Variants in CCR5AS observed in about 807,000 individuals in gnomAD.
The protein encoded by CCR5AS is CCR5 antisense RNA.
chr3:46,401,438 A>G (rs1702005455), intron 1 of CCR5AS, among the ~76,000 whole-genome samples: 1 of 152,210 alleles, frequency 6.6e-6, no homozygotes, highest in African/African-American at 2.4e-5. Flanking sequence ...CAGGACTGCA[A>G]AGGGAGCCAG....
intron 2 of CCR5AS, among the ~76,000 whole-genome samples, chr3:46,376,915 A>G (rs1701766919): frequency 6.6e-6 from 1 of 152,226 alleles, no homozygotes; most frequent in African/African-American, 2.4e-5. Flanking sequence ...TGAAATGAGC[A>G]GAAGACAGAA....
At chr3:46,384,849 CATAGATG>C (rs1364051379) in intron 2 of CCR5AS, among the ~76,000 whole-genome samples, 3 of 148,882 alleles carry the variant, frequency 2.0e-5, no homozygotes, top group African/African-American at 5.0e-5. Flanking sequence ...GGATAGGGTA[CATAGATG>C]ATAGATAGAT....
At chr3:46,389,881 A>G (rs1357657150) in intron 2 of CCR5AS, among the ~76,000 whole-genome samples, 10 of 152,108 alleles carry the variant, frequency 6.6e-5, no homozygotes, top group Admixed American at 6.5e-4. Context: ...CAGGAAGGGT[A>G]TGTGTATGTT....
In CCR5AS at chr3:46,392,005, A is replaced by T. The variant is rs188831525; in HGVS notation, n.391+820T>A. ...TGTAAAGAATGCCTGGACGTCAGGCACCTCAGACCATTTGCCCATTTTACG... is the reference window on the plus strand; with the variant it reads ...TGTAAAGAATGCCTGGACGTCAGGCTCCTCAGACCATTTGCCCATTTTACG... On this transcript the variant is annotated intron_variant and non_coding_transcript_variant, in intron 2 of 3. Transcript: ENST00000451485. Among the ~76,000 whole-genome samples, 27 of 152,326 alleles carry T rather than the reference A, an allele frequency of 1.8e-4. No homozygotes were observed. In the East Asian group the frequency reaches 5.2e-3, roughly 29 times the overall value.
intron 1 of CCR5AS, among the ~76,000 whole-genome samples, chr3:46,405,718 A>G (rs1434150781): frequency 1.3e-5 from 2 of 152,206 alleles, no homozygotes; most frequent in Non-Finnish European, 2.9e-5. Context: ...CTCCTCTGCC[A>G]TCAAACATCA....
At chr3:46,392,926 C>A in exon 2 of CCR5AS, 1 of 175,622 alleles carries the variant, frequency 5.7e-6, no homozygotes, top group Non-Finnish European at 1.2e-5. Context: ...GACCAATCTC[C>A]CGAAGGAGTC....
chr3:46,390,402 C>T (rs141380660), intron 2 of CCR5AS, among the ~76,000 whole-genome samples: 214 of 152,076 alleles, frequency 1.4e-3, no homozygotes, highest in African/African-American at 4.7e-3. Context: ...GGTTTCTGGA[C>T]GGGTAGGATA....
At chr3:46,404,758 T>C (rs186133975) in intron 1 of CCR5AS, among the ~76,000 whole-genome samples, 2 of 152,314 alleles carry the variant, frequency 1.3e-5, no homozygotes, top group Admixed American at 1.3e-4. Flanking sequence ...TAATCTACAA[T>C]TTACTTGAGC....
intron 2 of CCR5AS, among the ~76,000 whole-genome samples, chr3:46,385,738 A>T (rs1185085499): frequency 4.0e-5 from 6 of 151,094 alleles, no homozygotes; most frequent in East Asian, 1.9e-4. Flanking sequence ...TTATTTATTT[A>T]TTATTTATTT....
chr3:46,393,460 C>CAA (rs35762544), intron 1 of CCR5AS, among the ~76,000 whole-genome samples: 150 of 103,922 alleles, frequency 1.4e-3, no homozygotes, highest in South Asian at 0.012. Flanking sequence ...AACAGAGCCA[C>CAA]AAAAAAAAAA....
At chr3:46,379,290 C>T (rs71327059) in intron 2 of CCR5AS, among the ~76,000 whole-genome samples, 10,525 of 149,936 alleles carry the variant, frequency 0.07, 512 homozygotes, top group South Asian at 0.2. Context: ...TTTGTTCTTG[C>T]GATAGTTTAC....
chr3:46,395,199 C>G (rs1394299014), intron 1 of CCR5AS, among the ~76,000 whole-genome samples: 1 of 152,030 alleles, frequency 6.6e-6, no homozygotes, highest in Non-Finnish European at 1.5e-5. Flanking sequence ...AAATGGGGAG[C>G]ACTGGTTTTA....
chr3:46,393,511 AT>A (rs1008342059), intron 1 of CCR5AS, among the ~76,000 whole-genome samples: 7 of 152,028 alleles, frequency 4.6e-5, no homozygotes, highest in Non-Finnish European at 7.4e-5. Context: ...AGAAAAAAAA[AT>A]TTTTTTTCCA....
intron 2 of CCR5AS, among the ~76,000 whole-genome samples, chr3:46,390,494 G>A (rs1007352510): frequency 1.3e-5 from 2 of 152,138 alleles, no homozygotes; most frequent in African/African-American, 4.8e-5. Context: ...CCCTTTTAAA[G>A]CCTGCTGTGG....
chr3:46,367,001 G>A (rs1249203248), intron 3 of CCR5AS, among the ~76,000 whole-genome samples: 1 of 152,254 alleles, frequency 6.6e-6, no homozygotes, highest in South Asian at 2.1e-4. Context: ...ACAACGGGAA[G>A]AGCCCGACTG....
chr3:46,375,204 T>G (rs1406433773), intron 2 of CCR5AS: 1 of 167,010 alleles, frequency 6.0e-6, no homozygotes, highest in Admixed American at 6.6e-5. Flanking sequence ...TAGATTTCCT[T>G]CCCATCCCAG....
intron 2 of CCR5AS, chr3:46,375,665 T>TG (rs939905165): frequency 1.1e-3 from 136 of 126,840 alleles, no homozygotes; most frequent in Admixed American, 1.7e-3. Flanking sequence ...TGAATGGGGG[T>TG]GGGGGGGGCG....
chr3:46,377,388 G>T (rs535483215), intron 2 of CCR5AS, among the ~76,000 whole-genome samples: 1 of 152,150 alleles, frequency 6.6e-6, no homozygotes, highest in Non-Finnish European at 1.5e-5. Context: ...AGAGGAGATT[G>T]CATGCCATGG....
chr3:46,384,462 T>C (rs2106763909), intron 2 of CCR5AS, among the ~76,000 whole-genome samples: 1 of 152,356 alleles, frequency 6.6e-6, no homozygotes, highest in South Asian at 2.1e-4. Context: ...CTTATCTATG[T>C]CTGCAGCCCA....
Sources: gnomAD v4.1 joint callset for allele counts (sites outside exome capture counted in the v4.1 genomes callset) on GRCh38, gnomAD v4.1.1 for gene constraint, MANE v1.5 for transcripts, NCBI Gene and HGNC (gene_info 2026-07-23, HGNC 2026-07-21) for gene names.